The following FAM200B variants were observed in gnomAD, a reference collection of about 807,000 sequenced individuals.
FAM200B encodes the protein protein FAM200B.
A neutral mutation model predicts 33.1 loss-of-function variants in FAM200B; 32 were observed. That is an observed-to-expected ratio of 0.97 (90% CI 0.73 to 1.30). FAM200B has a LOEUF of 1.30. Ranked by LOEUF, FAM200B falls within the 50% of genes most tolerant of loss-of-function variation. The pLI, the probability that FAM200B is intolerant of heterozygous loss-of-function variation, is 0.00. For synonymous variants in FAM200B, 240 were observed against 264.8 expected (o/e 0.91, Z 0.91); for missense variants, 741 against 754.0 (o/e 0.98, Z 0.20).
upstream of FAM200B, among the ~76,000 whole-genome samples, chr4:15,680,809 A>T (rs1718215673): frequency 6.6e-6 from 1 of 151,774 alleles, no homozygotes; most frequent in Non-Finnish European, 1.5e-5. Context: ...GTTGAAATTC[A>T]AGCTCCTGTA....
chr4:15,658,421 G>A, the FAM200B span, among the ~76,000 whole-genome samples: 2 of 152,230 alleles, frequency 1.3e-5, no homozygotes, highest in Admixed American at 6.5e-5. Context: ...GTATTAAGAA[G>A]TGGGGCCTTT....
the FAM200B span, among the ~76,000 whole-genome samples, chr4:15,664,730 GTAT>G: frequency 6.6e-6 from 1 of 151,494 alleles, no homozygotes; most frequent in Non-Finnish European, 1.5e-5. Flanking sequence ...GCTAACTTTT[GTAT>G]TTTTTAGTAG....
chr4:15,682,155 G>T (rs537937991), intron 1 of FAM200B: 1 of 152,472 alleles, frequency 6.6e-6, no homozygotes, highest in Non-Finnish European at 1.5e-5. Flanking sequence ...CCTGGGAAGA[G>T]GGTCATGTTT....
At chr4:15,683,175 A>C (rs572982722) in intron 1 of FAM200B, among the ~76,000 whole-genome samples, 1 of 152,194 alleles carries the variant, frequency 6.6e-6, no homozygotes, top group Non-Finnish European at 1.5e-5. Context: ...AAATCCAAAA[A>C]CATTTTCCTA....
chr4:15,668,404 G>A, the FAM200B span, among the ~76,000 whole-genome samples: 2 of 152,098 alleles, frequency 1.3e-5, 1 homozygote, highest in East Asian at 3.9e-4. Context: ...ACAAAACAGA[G>A]AAAAGTGTTG....
chr4:15,656,143 A>C, the FAM200B span: 2 of 455,714 alleles, frequency 4.4e-6, no homozygotes, highest in Non-Finnish European at 8.8e-6. Context: ...AGAAGGGTGA[A>C]TAATGGAAGG....
upstream of FAM200B, chr4:15,681,280 C>A (rs1718249828): frequency 6.5e-6 from 1 of 153,402 alleles, no homozygotes; most frequent in Admixed American, 6.5e-5. Flanking sequence ...TGAAAATCAC[C>A]TTGGAGTGTA....
the FAM200B span, among the ~76,000 whole-genome samples, chr4:15,655,772 A>G: frequency 0.017 from 2,581 of 152,198 alleles, 75 homozygotes; most frequent in African/African-American, 0.058. Flanking sequence ...TGGGTGACCA[A>G]TGCTTCTGGC....
chr4:15,640,320 T>C, the FAM200B span, among the ~76,000 whole-genome samples: 2 of 142,474 alleles, frequency 1.4e-5, no homozygotes, highest in African/African-American at 2.6e-5. Flanking sequence ...GCTGGGATTA[T>C]AGACGTGAAC....
At chr4:15,637,570 T>G in the FAM200B span, among the ~76,000 whole-genome samples, 1 of 152,192 alleles carries the variant, frequency 6.6e-6, no homozygotes, top group African/African-American at 2.4e-5. Context: ...ACAATTTGCT[T>G]TGAAGGAGTG....
At chr4:15,651,442 A>T in the FAM200B span, among the ~76,000 whole-genome samples, 1 of 152,350 alleles carries the variant, frequency 6.6e-6, no homozygotes, top group African/African-American at 2.4e-5. Flanking sequence ...CGTGAAGATT[A>T]AAAGAAACAA....
At chr4:15,650,314 G>C in the FAM200B span, among the ~76,000 whole-genome samples, 1 of 152,172 alleles carries the variant, frequency 6.6e-6, no homozygotes, top group African/African-American at 2.4e-5. Flanking sequence ...ATGAAATATA[G>C]TGCAATCCAG....
chr4:15,641,565 A>G, the FAM200B span: 1 of 455,798 alleles, frequency 2.2e-6, no homozygotes, highest in East Asian at 7.0e-5. Flanking sequence ...CATATAATAC[A>G]TGAAATAATT....
At position 15,686,695 on chromosome 4, in the gene FAM200B, G is replaced by C. The variant is rs1414153785; in HGVS notation, c.-283G>C. On this transcript the variant is annotated 5_prime_UTR_variant, in exon 2 of 2. Coordinates refer to ENST00000422728, the MANE Select transcript of FAM200B (RefSeq NM_001145191.2). ...ATATGCGAGAGGGGTATTTGATGGAGGAGATATGATGAATAGAATGTATAT... is the reference window on the plus strand; with the variant it reads ...ATATGCGAGAGGGGTATTTGATGGACGAGATATGATGAATAGAATGTATAT... The C allele has an allele frequency of 4.9e-6, 1 of 202,778 alleles. No homozygotes were observed. The highest frequency in any genetic ancestry group is 9.8e-6 in the Non-Finnish European group (1 of 101,766). 12.6% of individuals were successfully genotyped at this position (202,778 alleles called of 1,614,324 possible).
the FAM200B span, among the ~76,000 whole-genome samples, chr4:15,662,015 TAAAG>T: frequency 6.6e-6 from 1 of 152,216 alleles, no homozygotes; most frequent in Admixed American, 6.5e-5. Context: ...TGAGGGCCAA[TAAAG>T]AGAGAGAGCA....
At chr4:15,643,364 C>T in the FAM200B span, among the ~76,000 whole-genome samples, 32 of 152,294 alleles carry the variant, frequency 2.1e-4, no homozygotes, top group African/African-American at 7.7e-4. Flanking sequence ...CTTAAGCTTA[C>T]GCTTCACCAA....
the FAM200B span, among the ~76,000 whole-genome samples, chr4:15,660,290 C>T: frequency 6.6e-6 from 1 of 152,020 alleles, no homozygotes; most frequent in Non-Finnish European, 1.5e-5. Context: ...ATGATGTTGC[C>T]TAGGCTGATC....
At chr4:15,672,877 AT>A in the FAM200B span, among the ~76,000 whole-genome samples, 2 of 152,162 alleles carry the variant, frequency 1.3e-5, no homozygotes, top group Admixed American at 6.5e-5. Flanking sequence ...GTACAAAAAT[AT>A]TTTTTATATC....
At chr4:15,685,037 A>C (rs1718699946) in intron 1 of FAM200B, 1 of 152,236 alleles carries the variant, frequency 6.6e-6, no homozygotes, top group African/African-American at 2.4e-5. Context: ...TCCTAGAAGA[A>C]GTCATGGTCT....
Sources: allele counts gnomAD v4.1 joint callset (sites outside exome capture counted in the v4.1 genomes callset), GRCh38; gene constraint gnomAD v4.1.1; transcripts MANE v1.5; gene names NCBI Gene and HGNC (gene_info 2026-07-23, HGNC 2026-07-21).